PTPRD: variants seen among roughly 807,000 people sequenced by gnomAD.
PTPRD encodes the protein receptor-type tyrosine-protein phosphatase delta.
A neutral mutation model predicts 214.5 loss-of-function variants in PTPRD; 34 were observed. The observed-to-expected ratio is 0.16, with a 90% CI of 0.12 to 0.21. The LOEUF (loss-of-function observed/expected upper bound fraction) is 0.21. Among genes scored for constraint, PTPRD ranks in the 10% least tolerant of loss-of-function variants. The pLI, the probability that PTPRD is intolerant of heterozygous loss-of-function variation, is 1.00. For missense variants in PTPRD, 2,545 were observed against 2,398.7 expected, an observed-to-expected ratio of 1.06 and a Z score of -1.27; for synonymous variants, 1,128 against 845.7, an observed-to-expected ratio of 1.33 and a Z score of -5.79.
chr9:10,012,752 C>A (rs1487352485), intron 4 of PTPRD, among the ~76,000 whole-genome samples: 3 of 151,738 alleles, frequency 2.0e-5, no homozygotes, highest in Admixed American at 2.0e-4. Flanking sequence ...AAAGGAAAAC[C>A]CCGAGTGTGT....
chr9:10,156,093 T>G lies in PTPRD; in HGVS notation c.-544-122303A>C, dbSNP rs996850374. The stretch of plus-strand genomic sequence containing the variant: ...TTTTGAATGTTTGTGTGTGTGTGTG[T>G]GTGTGTGTGTGTGTGTGTGTGTGTG... On this transcript the variant is annotated intron_variant, in intron 3 of 45. Transcript: ENST00000381196. Among the ~76,000 whole-genome samples, 5 of 145,638 alleles carry G rather than the reference T, an allele frequency of 3.4e-5. No individual in the cohort carries two copies. In the East Asian group the frequency reaches 7.8e-4, roughly 23 times the overall value.
chr9:9,396,731 AAC>A (rs1283492071), intron 9 of PTPRD, among the ~76,000 whole-genome samples: 1 of 152,070 alleles, frequency 6.6e-6, no homozygotes, highest in East Asian at 1.9e-4. Flanking sequence ...CAAAAAATGC[AAC>A]ACTTTCTCTC....
rs775972121 is a variant in PTPRD at position 8,449,771 on chromosome 9, G to A, written c.3942C>T (p.His1314=). 1 of 1,614,114 alleles carries A rather than the reference G, an allele frequency of 6.2e-7. No homozygotes were observed. Among genetic ancestry groups the A allele is most frequent in the South Asian group, 1.1e-5 (1 of 91,088 alleles). Residue 1314 remains histidine, a synonymous_variant, in exon 34 of 46, where the codon CAC becomes CAT. Coordinates refer to ENST00000381196, the MANE Select transcript of PTPRD (RefSeq NM_002839.4). ...GCCTCAGTTCTACAGGGTCTGTTGG[G>A]TGGTGTGAAGGGATCTCCTTATTGT... ...IPNNKEIPSH[H]PTDPVELRRL... is the part of the protein sequence containing the mutation.
chr9:9,469,918 T>A (rs1245316531), intron 8 of PTPRD, among the ~76,000 whole-genome samples: 1 of 152,160 alleles, frequency 6.6e-6, no homozygotes, highest in African/African-American at 2.4e-5. Flanking sequence ...ATTCTCAGGC[T>A]ATGGGGAACA....
At chr9:9,507,953 T>G (rs889617961) in intron 8 of PTPRD, among the ~76,000 whole-genome samples, 2 of 151,540 alleles carry the variant, frequency 1.3e-5, no homozygotes, top group Admixed American at 6.6e-5. Context: ...GAAAATGAGC[T>G]CTTAAAAATC....
At chr9:8,913,016 G>C (rs1193609956) in intron 11 of PTPRD, among the ~76,000 whole-genome samples, 1 of 151,924 alleles carries the variant, frequency 6.6e-6, no homozygotes, top group Admixed American at 6.6e-5. Flanking sequence ...AGTCTTTTAG[G>C]TTCTTAAGCT....
chr9:10,222,204 T>C (rs2099573586), intron 3 of PTPRD, among the ~76,000 whole-genome samples: 1 of 152,092 alleles, frequency 6.6e-6, no homozygotes, highest in Non-Finnish European at 1.5e-5. Context: ...TTTCCTCTCA[T>C]CTGTGACAAC....
chr9:8,914,544 G>A (rs2098771346), intron 11 of PTPRD, among the ~76,000 whole-genome samples: 1 of 151,958 alleles, frequency 6.6e-6, no homozygotes, highest in South Asian at 2.1e-4. Context: ...GATAAATCTG[G>A]ACCTGAAGCA....
At chr9:9,013,376 A>G (rs1269472183) in intron 11 of PTPRD, among the ~76,000 whole-genome samples, 3 of 152,120 alleles carry the variant, frequency 2.0e-5, no homozygotes, top group Non-Finnish European at 2.9e-5. Context: ...TTGATCATTG[A>G]TGATAGCAAA....
chr9:8,370,646 G>C (rs2081264065), intron 39 of PTPRD, among the ~76,000 whole-genome samples: 2 of 152,014 alleles, frequency 1.3e-5, no homozygotes, highest in African/African-American at 4.8e-5. Flanking sequence ...CCAGAATATA[G>C]CAATGTGGTA....
Position 10,367,089 on chromosome 9 carries a change from A to C in PTPRD, c.-599-26072T>G, listed in dbSNP as rs1011094829. 2.4e-4 allele frequency among the ~76,000 whole-genome samples: 37 copies of C among 151,982 alleles called. 1 individual carries two copies. The highest frequency in any genetic ancestry group is 4.7e-4 in the Non-Finnish European group (32 of 68,000). Reference sequence around the variant, plus strand: ...AGAAACAGACAAACATAAAAAAAAAAAAAAAGGACCTGTGCCTTATATATC... The same window carrying C: ...AGAAACAGACAAACATAAAAAAAAACAAAAAGGACCTGTGCCTTATATATC... On this transcript the variant is annotated intron_variant, in intron 2 of 45. Transcript: ENST00000381196.
intron 10 of PTPRD, among the ~76,000 whole-genome samples, chr9:9,157,833 C>T (rs1190837582): frequency 1.3e-5 from 2 of 152,122 alleles, no homozygotes; most frequent in African/African-American, 4.8e-5. Flanking sequence ...AGGTATTAAG[C>T]CCAATATCCA....
chr9:10,285,085 T>C (rs1334619650), intron 3 of PTPRD, among the ~76,000 whole-genome samples: 1 of 152,190 alleles, frequency 6.6e-6, no homozygotes, highest in Non-Finnish European at 1.5e-5. Context: ...AATTTACTTT[T>C]AATTGGTCTA....
intron 8 of PTPRD, among the ~76,000 whole-genome samples, chr9:9,443,212 G>A (rs1342994781): frequency 4.0e-5 from 6 of 151,834 alleles, no homozygotes; most frequent in African/African-American, 1.2e-4. Flanking sequence ...AGTATTATGT[G>A]AGCTAATTAT....
At chr9:10,490,693 T>C (rs187970576) in intron 2 of PTPRD, among the ~76,000 whole-genome samples, 1 of 152,324 alleles carries the variant, frequency 6.6e-6, no homozygotes, top group Non-Finnish European at 1.5e-5. Flanking sequence ...CTTTAAATCA[T>C]ATTTCACACT....
At chr9:8,436,544 G>C (rs769463703) in intron 35 of PTPRD, 48 bp downstream of exon 35, 2 of 1,411,824 alleles carry the variant, frequency 1.4e-6, no homozygotes, top group South Asian at 1.2e-5. Context: ...CAAAAAAAGA[G>C]AAGAGTAACT....
intron 11 of PTPRD, among the ~76,000 whole-genome samples, chr9:8,786,748 GA>G (rs35010963): frequency 2.0e-5 from 3 of 146,762 alleles, no homozygotes; most frequent in Non-Finnish European, 3.0e-5. Context: ...AATCCTCAGG[GA>G]AAAAAAAGGT....
chr9:10,126,070 G>A (rs1196314723), intron 3 of PTPRD, among the ~76,000 whole-genome samples: 1 of 152,076 alleles, frequency 6.6e-6, no homozygotes, highest in Non-Finnish European at 1.5e-5. Flanking sequence ...GCAATATACG[G>A]AAGTTGTATT....
intron 12 of PTPRD, among the ~76,000 whole-genome samples, chr9:8,655,861 A>G (rs1316694200): frequency 6.6e-6 from 1 of 151,998 alleles, no homozygotes; most frequent in Non-Finnish European, 1.5e-5. Context: ...CATTAAATAG[A>G]CAGTGCTATC....
Sources: allele counts gnomAD v4.1 joint callset (sites outside exome capture counted in the v4.1 genomes callset), GRCh38; gene constraint gnomAD v4.1.1; transcripts MANE v1.5; gene names NCBI Gene and HGNC (gene_info 2026-07-23, HGNC 2026-07-21).